The following DLG2 variants were observed in gnomAD, a reference collection of about 807,000 sequenced individuals.
DLG2 encodes discs large MAGUK scaffold protein 2.
In DLG2, 45 loss-of-function variants were observed where a neutral mutation model predicts 132.5. That is an observed-to-expected ratio of 0.34 (90% CI 0.27 to 0.44). The LOEUF is 0.44. Among genes scored for constraint, DLG2 ranks in the 20% least tolerant of loss-of-function variants. DLG2 has a pLI of 1.00. For missense variants in DLG2, 1,045 were observed against 1,196.9 expected (o/e 0.87, Z 1.87); for synonymous variants, 424 against 419.6 (o/e 1.01, Z -0.13).
chr11:84,725,943 T>C (rs1201660683), intron 6 of DLG2, among the ~76,000 whole-genome samples: 2 of 152,068 alleles, frequency 1.3e-5, no homozygotes, highest in African/African-American at 4.8e-5. Flanking sequence ...CTTTAACCTT[T>C]CTTAACAAGT....
At chr11:85,341,501 T>C (rs2082500625) in intron 3 of DLG2, among the ~76,000 whole-genome samples, 1 of 152,220 alleles carries the variant, frequency 6.6e-6, no homozygotes, top group South Asian at 2.1e-4. Context: ...GTGCCTCCAA[T>C]TGATTTATCT....
At chr11:84,763,555 C>T (rs907512724) in intron 6 of DLG2, among the ~76,000 whole-genome samples, 1 of 152,114 alleles carries the variant, frequency 6.6e-6, no homozygotes, top group African/African-American at 2.4e-5. Context: ...CTGGCGTTAC[C>T]ATCAGCATCT....
At chr11:83,756,322 T>C (rs1179713732) in intron 18 of DLG2, among the ~76,000 whole-genome samples, 5 of 151,516 alleles carry the variant, frequency 3.3e-5, no homozygotes, top group African/African-American at 4.9e-5. Context: ...CAAATAGCTA[T>C]GAACTTAGTG....
intron 6 of DLG2, among the ~76,000 whole-genome samples, chr11:84,898,947 C>T (rs1420572497): frequency 2.6e-5 from 4 of 151,982 alleles, no homozygotes; most frequent in Non-Finnish European, 4.4e-5. Context: ...ATGTACTAAA[C>T]TGTAAAATTC....
chr11:83,709,320 GTT>G (rs940986720), intron 18 of DLG2, among the ~76,000 whole-genome samples: 4 of 145,408 alleles, frequency 2.8e-5, no homozygotes, highest in African/African-American at 1.0e-4. Context: ...TATGTATAAA[GTT>G]ATATATATTA....
At chr11:84,709,031 C>T (rs2060083027) in intron 6 of DLG2, among the ~76,000 whole-genome samples, 1 of 151,906 alleles carries the variant, frequency 6.6e-6, no homozygotes, top group Admixed American at 6.6e-5. Context: ...TAATAACACA[C>T]ACATTACTGA....
At chr11:84,066,202 T>C (rs1035262558) in intron 10 of DLG2, among the ~76,000 whole-genome samples, 2 of 152,206 alleles carry the variant, frequency 1.3e-5, no homozygotes. Context: ...CATGCACATG[T>C]ACCCCCGAAA....
intron 17 of DLG2, among the ~76,000 whole-genome samples, chr11:83,789,707 C>A (rs2041015104): frequency 6.6e-6 from 1 of 152,094 alleles, no homozygotes; most frequent in South Asian, 2.1e-4. Flanking sequence ...GCCACCACGC[C>A]CAGCTATTTT....
intron 5 of DLG2, among the ~76,000 whole-genome samples, chr11:85,123,585 A>G (rs2074701824): frequency 6.6e-6 from 1 of 152,222 alleles, no homozygotes; most frequent in South Asian, 2.1e-4. Context: ...AGAGCAGAGT[A>G]GGAGAACTGT....
Position 83,455,749 on chromosome 11 carries a change from A to T in DLG2, c.*4069T>A, listed in dbSNP as rs974819521. The T allele has an allele frequency of 6.5e-6, 1 of 152,676 alleles. No homozygotes were observed. Among genetic ancestry groups the T allele is most frequent in the African/African-American group, 2.4e-5 (1 of 41,444 alleles). 9.5% of individuals were successfully genotyped at this position (152,676 alleles called of 1,614,324 possible). A position where few individuals can be genotyped will look rare whatever the true frequency, so the allele number is the denominator to read the frequency against. ...TATACATACCATATATACCATACAT[A>T]CACAGAAGTAAAATGTATATCACAG... On this transcript the variant is annotated 3_prime_UTR_variant, in exon 28 of 28. Coordinates refer to ENST00000376104, the MANE Select transcript of DLG2 (RefSeq NM_001142699.3).
chr11:84,090,238 AC>A (rs1487518589), intron 10 of DLG2, among the ~76,000 whole-genome samples: 1 of 151,794 alleles, frequency 6.6e-6, no homozygotes, highest in Non-Finnish European at 1.5e-5. Context: ...ACATGGTGAA[AC>A]CCCGTCTCTA....
At chr11:84,008,533 C>T (rs1414351779) in intron 11 of DLG2, among the ~76,000 whole-genome samples, 2 of 151,840 alleles carry the variant, frequency 1.3e-5, no homozygotes, top group Non-Finnish European at 2.9e-5. Flanking sequence ...GAACATTCCT[C>T]CCTTTCCAAA....
intron 18 of DLG2, among the ~76,000 whole-genome samples, chr11:83,678,654 C>T (rs1351568849): frequency 2.0e-5 from 3 of 151,998 alleles, no homozygotes; most frequent in Non-Finnish European, 4.4e-5. Context: ...ATTATTGGGT[C>T]CTATTTACCC....
intron 3 of DLG2, among the ~76,000 whole-genome samples, chr11:85,533,206 T>A (rs2075336069): frequency 6.6e-6 from 1 of 152,000 alleles, no homozygotes; most frequent in African/African-American, 2.4e-5. Context: ...GTATTTTTAG[T>A]AGAGATGGGG....
intron 7 of DLG2, among the ~76,000 whole-genome samples, chr11:84,259,699 G>A (rs1381584977): frequency 3.3e-5 from 5 of 152,146 alleles, no homozygotes; most frequent in Non-Finnish European, 7.4e-5. Flanking sequence ...AAGGTAGCAG[G>A]ATGGAAGATT....
intron 6 of DLG2, among the ~76,000 whole-genome samples, chr11:84,828,328 T>C (rs889070993): frequency 2.0e-5 from 3 of 151,840 alleles, no homozygotes; most frequent in Admixed American, 6.6e-5. Context: ...ATTTCTGTTA[T>C]CTTTCATGAA....
At chr11:84,683,497 G>A (rs1307900104) in intron 6 of DLG2, among the ~76,000 whole-genome samples, 1 of 152,140 alleles carries the variant, frequency 6.6e-6, no homozygotes, top group East Asian at 1.9e-4. Flanking sequence ...AGTACTATAA[G>A]TTTTCAGAAG....
chr11:84,586,663 C>G (rs985121559), intron 6 of DLG2, among the ~76,000 whole-genome samples: 8 of 151,656 alleles, frequency 5.3e-5, no homozygotes, highest in African/African-American at 1.9e-4. Context: ...TTGTTTTTGT[C>G]ATACACTTTT....
chr11:84,945,186 G>T (rs192786982), intron 6 of DLG2, among the ~76,000 whole-genome samples: 1 of 152,262 alleles, frequency 6.6e-6, no homozygotes, highest in East Asian at 1.9e-4. Context: ...TCTTGGGAAG[G>T]TTCTCCAATC....
Sources: gnomAD v4.1 joint callset for allele counts (sites outside exome capture counted in the v4.1 genomes callset) on GRCh38, gnomAD v4.1.1 for gene constraint, MANE v1.5 for transcripts, NCBI Gene and HGNC (gene_info 2026-07-23, HGNC 2026-07-21) for gene names.